SAMD4A: variants seen among roughly 807,000 people sequenced by gnomAD.
The protein encoded by SAMD4A is protein Smaug homolog 1.
SAMD4A carries 33 observed loss-of-function variants against 81.3 expected under a neutral mutation model. The ratio of observed to expected loss-of-function variants is 0.41; its 90% CI spans 0.31 to 0.54. The LOEUF (loss-of-function observed/expected upper bound fraction) is 0.54, where lower values mean the gene tolerates loss of function less well. SAMD4A is among the 20% of genes least tolerant of loss of function. SAMD4A has a pLI of 0.37. For synonymous variants in SAMD4A, 389 were observed against 382.1 expected (o/e 1.02, Z -0.21); for missense variants, 854 against 951.1 (o/e 0.90, Z 1.34).
At chr14:54,679,125 G>A (rs936713388) in intron 2 of SAMD4A, among the ~76,000 whole-genome samples, 1 of 152,198 alleles carries the variant, frequency 6.6e-6, no homozygotes. Flanking sequence ...TCGCAGATAA[G>A]CTGGGTTTTT....
At chr14:54,681,140 G>T (rs1437446703) in intron 2 of SAMD4A, among the ~76,000 whole-genome samples, 1 of 152,136 alleles carries the variant, frequency 6.6e-6, no homozygotes, top group Non-Finnish European at 1.5e-5. Flanking sequence ...CTGTTGGGCT[G>T]GGAACCAGGA....
At chr14:54,718,892 A>G (rs2037189377) in intron 3 of SAMD4A, among the ~76,000 whole-genome samples, 1 of 152,030 alleles carries the variant, frequency 6.6e-6, no homozygotes, top group African/African-American at 2.4e-5. Context: ...AATCCCAGCT[A>G]CTTGGAAGGC....
At chr14:54,605,039 A>G (rs1236211646) in intron 2 of SAMD4A, among the ~76,000 whole-genome samples, 1 of 152,326 alleles carries the variant, frequency 6.6e-6, no homozygotes. Flanking sequence ...TCTGTCTGAT[A>G]TTGGATTTAA....
intron 3 of SAMD4A, among the ~76,000 whole-genome samples, chr14:54,712,618 A>T (rs1202148075): frequency 2.0e-5 from 3 of 151,930 alleles, no homozygotes; most frequent in Non-Finnish European, 4.4e-5. Flanking sequence ...TTTCCTCATC[A>T]TGCCTAGTGT....
rs1179308407 is a variant in SAMD4A at position 54,764,447 on chromosome 14, A to G, written c.1511-8A>G. 7 of 1,579,872 alleles carry G rather than the reference A, an allele frequency of 4.4e-6. No individual in the cohort carries two copies. Among genetic ancestry groups the G allele is most frequent in the Non-Finnish European group, 6.0e-6 (7 of 1,159,822 alleles). On this transcript the variant is annotated splice_region_variant and splice_polypyrimidine_tract_variant and intron_variant, in intron 7 of 12. Transcript: ENST00000554335. ...TTTTTCTAATTCATCTTTTCTTTTT[A>G]ATTACAGTGTGCACACAGCTCTTGG...
chr14:54,684,838 A>G (rs1425587816), intron 2 of SAMD4A, among the ~76,000 whole-genome samples: 2 of 152,232 alleles, frequency 1.3e-5, no homozygotes, highest in Non-Finnish European at 2.9e-5. Flanking sequence ...TGCTCTGTGC[A>G]GCGTTTGACT....
intron 2 of SAMD4A, among the ~76,000 whole-genome samples, chr14:54,691,249 G>A (rs1220086404): frequency 6.6e-6 from 1 of 152,148 alleles, no homozygotes; most frequent in Non-Finnish European, 1.5e-5. Flanking sequence ...ACTTGGGAAG[G>A]ATGAGGCCCT....
chr14:54,711,706 G>A (rs2036993463), intron 3 of SAMD4A, among the ~76,000 whole-genome samples: 1 of 152,086 alleles, frequency 6.6e-6, no homozygotes, highest in African/African-American at 2.4e-5. Context: ...CTTCCTGAGG[G>A]GTAGAGGAAG....
chr14:54,753,531 C>A (rs2181047), intron 6 of SAMD4A, among the ~76,000 whole-genome samples: 99,155 of 149,270 alleles, frequency 0.66, 33,185 homozygotes, highest in Non-Finnish European at 0.74. Flanking sequence ...GCAATTGTTT[C>A]AAGTACAGGT....
intron 3 of SAMD4A, among the ~76,000 whole-genome samples, chr14:54,729,619 G>A (rs1301385883): frequency 3.3e-5 from 5 of 152,056 alleles, no homozygotes; most frequent in South Asian, 2.1e-4. Context: ...CAAACTTAAG[G>A]GTTTAGTATA....
intron 10 of SAMD4A, among the ~76,000 whole-genome samples, chr14:54,775,996 G>T (rs963837930): frequency 4.6e-5 from 6 of 130,970 alleles, no homozygotes; most frequent in African/African-American, 1.8e-4. Flanking sequence ...CCTCGCTTTG[G>T]AGTACATTGT....
At chr14:54,604,455 G>A (rs569578672) in intron 2 of SAMD4A, among the ~76,000 whole-genome samples, 1 of 152,338 alleles carries the variant, frequency 6.6e-6, no homozygotes, top group Admixed American at 6.5e-5. Flanking sequence ...GGGAGATTTA[G>A]GATCACTCTT....
chr14:54,752,451 C>T (rs1309588645), intron 6 of SAMD4A, among the ~76,000 whole-genome samples: 4 of 152,216 alleles, frequency 2.6e-5, no homozygotes, highest in Admixed American at 2.6e-4. Context: ...GAGGTAACCT[C>T]TTCTAGTAAT....
chr14:54,640,643 C>T (rs752192976), intron 2 of SAMD4A, among the ~76,000 whole-genome samples: 1 of 152,132 alleles, frequency 6.6e-6, no homozygotes, highest in African/African-American at 2.4e-5. Flanking sequence ...ACGGGAATGG[C>T]GCTGAATGCT....
intron 2 of SAMD4A, among the ~76,000 whole-genome samples, chr14:54,681,389 G>C (rs1481188139): frequency 6.6e-6 from 1 of 152,144 alleles, no homozygotes; most frequent in East Asian, 1.9e-4. Flanking sequence ...GTGTGTGTGT[G>C]TATTGATCAT....
intron 2 of SAMD4A, among the ~76,000 whole-genome samples, chr14:54,585,922 TATA>T (rs1336635904): frequency 6.6e-6 from 1 of 152,172 alleles, no homozygotes; most frequent in Non-Finnish European, 1.5e-5. Flanking sequence ...ATCTTTTTCC[TATA>T]ATGACTTCTT....
intron 2 of SAMD4A, among the ~76,000 whole-genome samples, chr14:54,584,857 T>A (rs186898956): frequency 7.2e-5 from 11 of 152,266 alleles, no homozygotes; most frequent in African/African-American, 2.6e-4. Flanking sequence ...CCTGAAAAAA[T>A]TTATCAAATT....
At chr14:54,636,522 A>G (rs1238431938) in intron 2 of SAMD4A, among the ~76,000 whole-genome samples, 1 of 152,192 alleles carries the variant, frequency 6.6e-6, no homozygotes, top group Non-Finnish European at 1.5e-5. Flanking sequence ...TGTTGAGAAT[A>G]AACTTTAGGA....
intron 2 of SAMD4A, chr14:54,687,267 A>G (rs1012773290): frequency 2.3e-6 from 1 of 438,474 alleles, no homozygotes; most frequent in South Asian, 1.6e-5. Flanking sequence ...CTGCCCCTCC[A>G]TGGGCAGTTA....
Sources: gnomAD v4.1 joint callset for allele counts (sites outside exome capture counted in the v4.1 genomes callset) on GRCh38, gnomAD v4.1.1 for gene constraint, MANE v1.5 for transcripts, NCBI Gene and HGNC (gene_info 2026-07-23, HGNC 2026-07-21) for gene names.